Variants in PSD3 observed in about 807,000 individuals in gnomAD.
The protein encoded by PSD3 is pleckstrin and Sec7 domain containing 3, also known as PH and SEC7 domain-containing protein 3.
A neutral mutation model predicts 105.5 loss-of-function variants in PSD3; 49 were observed. The observed-to-expected ratio is 0.46, with a 90% CI of 0.37 to 0.59. PSD3 has a LOEUF of 0.59. Ranked by LOEUF, PSD3 falls within the 20% of genes least tolerant of loss-of-function variation. PSD3 has a pLI of 0.00. For synonymous variants in PSD3, 557 were observed against 457.8 expected (o/e 1.22, Z -2.77); for missense variants, 1,561 against 1,263.8 (o/e 1.24, Z -3.57).
chr8:18,788,406 T>C (rs1809386650), intron 8 of PSD3, among the ~76,000 whole-genome samples: 1 of 152,170 alleles, frequency 6.6e-6, no homozygotes, highest in Non-Finnish European at 1.5e-5. Context: ...ACCAAATCTT[T>C]GAGCGTGCCA....
chr8:18,913,837 C>T (rs1484686054), intron 2 of PSD3, among the ~76,000 whole-genome samples: 1 of 151,224 alleles, frequency 6.6e-6, no homozygotes, highest in East Asian at 2.0e-4. Flanking sequence ...AAGCACACCC[C>T]AATGCCAGGC....
At chr8:18,953,642 G>A (rs370867093) in intron 1 of PSD3, among the ~76,000 whole-genome samples, 26 of 152,046 alleles carry the variant, frequency 1.7e-4, no homozygotes, top group Non-Finnish European at 3.1e-4. Context: ...CCAGCTACTC[G>A]GGAGGCTGAG....
At chr8:18,655,521 G>A (rs1182549428) in intron 10 of PSD3, 121 bp downstream of exon 10, 3 of 918,036 alleles carry the variant, frequency 3.3e-6, no homozygotes, top group African/African-American at 3.3e-5. Flanking sequence ...AAGACACTTG[G>A]TGTAAAATGA....
At chr8:18,915,071 C>T (rs773061283) in intron 2 of PSD3, among the ~76,000 whole-genome samples, 3 of 151,256 alleles carry the variant, frequency 2.0e-5, no homozygotes, top group African/African-American at 4.9e-5. Context: ...TGATCTTTGA[C>T]AAAGGTATCA....
In PSD3 at chr8:18,564,375, T is replaced by A. The variant is rs187978082; in HGVS notation, c.2785-8023A>T. Among the ~76,000 whole-genome samples the A allele has an allele frequency of 3.4e-3, 524 of 152,218 alleles. 2 individuals are homozygous for A. Among genetic ancestry groups the A allele is most frequent in the African/African-American group, 0.012 (497 of 41,526 alleles). On this transcript the variant is annotated intron_variant, in intron 14 of 15. Transcript: ENST00000327040. ...CAGGCACGGTGGCTCACGCCTGTAA[T>A]CCCAACACTTTGGGAGGCCGATGCG... is the stretch of plus-strand genomic sequence containing the variant.
intron 1 of PSD3, among the ~76,000 whole-genome samples, chr8:19,065,213 C>T (rs996728034): frequency 2.0e-5 from 3 of 152,124 alleles, no homozygotes; most frequent in Non-Finnish European, 4.4e-5. Context: ...GGAAAAAACA[C>T]AAATTAGGTT....
chr8:18,704,274 T>C (rs1801760206), intron 9 of PSD3, among the ~76,000 whole-genome samples: 1 of 152,226 alleles, frequency 6.6e-6, no homozygotes, highest in Non-Finnish European at 1.5e-5. Flanking sequence ...CTCCCTTTAC[T>C]AGAGGACCAG....
chr8:18,682,280 C>G (rs1005581642), intron 9 of PSD3, among the ~76,000 whole-genome samples: 2 of 152,218 alleles, frequency 1.3e-5, no homozygotes, highest in Non-Finnish European at 2.9e-5. Flanking sequence ...CATGGGTATA[C>G]TCCACATTAA....
chr8:18,767,908 G>C (rs1178514649), intron 8 of PSD3, among the ~76,000 whole-genome samples: 3 of 151,972 alleles, frequency 2.0e-5, no homozygotes, highest in African/African-American at 7.3e-5. Context: ...GAATTCATTT[G>C]AAAGTGAATT....
chr8:18,535,519 G>A lies in PSD3; in HGVS notation c.*224C>T, dbSNP rs1280244521. 1.3e-5 allele frequency: 7 copies of A among 542,214 alleles called. No homozygotes were observed. The highest frequency in any genetic ancestry group is 9.4e-5 in the African/African-American group (5 of 53,052). The allele number at this position is 542,214 out of a possible 1,614,324, so 33.6% of individuals were successfully genotyped here. A position where few individuals can be genotyped will look rare whatever the true frequency, so the allele number is the denominator to read the frequency against. On this transcript the variant is annotated 3_prime_UTR_variant, in exon 16 of 16. Transcript: ENST00000327040. ...AAATCACGATCCCCTCCTCCTCACAGAAAAGGTGCATTAGCTATCAAGTTG... is the reference window on the plus strand; with the variant it reads ...AAATCACGATCCCCTCCTCCTCACAAAAAAGGTGCATTAGCTATCAAGTTG...
intron 9 of PSD3, among the ~76,000 whole-genome samples, chr8:18,728,512 A>C (rs962283160): frequency 2.4e-4 from 37 of 152,172 alleles, no homozygotes; most frequent in African/African-American, 7.7e-4. Flanking sequence ...CAGGCAGAGG[A>C]AACAGCATGG....
chr8:18,769,110 A>G (rs1275725631), intron 8 of PSD3, among the ~76,000 whole-genome samples: 3 of 152,192 alleles, frequency 2.0e-5, no homozygotes, highest in African/African-American at 7.2e-5. Flanking sequence ...AAAAAATAAC[A>G]CATACAATGA....
intron 12 of PSD3, among the ~76,000 whole-genome samples, chr8:18,579,096 C>CCACACACA (rs3988324): frequency 0.13 from 19,289 of 143,448 alleles, 1,397 homozygotes; most frequent in Middle Eastern, 0.21. Context: ...AGCTCCAAGT[C>CCACACACA]CACACACACA....
intron 9 of PSD3, among the ~76,000 whole-genome samples, chr8:18,718,269 T>C (rs538136909): frequency 1.6e-4 from 25 of 152,382 alleles, no homozygotes; most frequent in African/African-American, 4.8e-4. Context: ...TACATTCATC[T>C]AGAATCACAG....
At chr8:18,634,553 A>G (rs576818275) in intron 10 of PSD3, among the ~76,000 whole-genome samples, 15 of 152,112 alleles carry the variant, frequency 9.9e-5, no homozygotes, top group South Asian at 2.1e-4. Flanking sequence ...CCTATCCATG[A>G]TCCCACAGTG....
intron 9 of PSD3, among the ~76,000 whole-genome samples, chr8:18,656,144 G>C (rs1439602457): frequency 1.3e-5 from 2 of 152,104 alleles, no homozygotes; most frequent in Non-Finnish European, 2.9e-5. Context: ...TGCAACCTCT[G>C]CCTCCTGGGT....
At chr8:18,746,209 AGTG>A (rs1805007515) in intron 9 of PSD3, among the ~76,000 whole-genome samples, 2 of 151,992 alleles carry the variant, frequency 1.3e-5, no homozygotes, top group African/African-American at 4.8e-5. Context: ...CCCACCTTTG[AGTG>A]GTGTTTTTGC....
chr8:18,713,678 T>A (rs1802395172), intron 9 of PSD3, among the ~76,000 whole-genome samples: 1 of 152,140 alleles, frequency 6.6e-6, no homozygotes, highest in African/African-American at 2.4e-5. Flanking sequence ...ATAGTAAGGA[T>A]CAGTATCATG....
intron 1 of PSD3, among the ~76,000 whole-genome samples, chr8:19,022,707 G>A (rs897645170): frequency 2.0e-5 from 3 of 152,162 alleles, no homozygotes; most frequent in African/African-American, 4.8e-5. Flanking sequence ...TAGGCTTGGG[G>A]CTGGAGAGTA....
Sources: gnomAD v4.1 joint callset for allele counts (sites outside exome capture counted in the v4.1 genomes callset) on GRCh38, gnomAD v4.1.1 for gene constraint, MANE v1.5 for transcripts, NCBI Gene and HGNC (gene_info 2026-07-23, HGNC 2026-07-21) for gene names.